The following PPP1R36 variants were observed in gnomAD, a reference collection of about 807,000 sequenced individuals.
The protein encoded by PPP1R36 is protein phosphatase 1 regulatory subunit 36.
A neutral mutation model predicts 53.4 loss-of-function variants in PPP1R36; 47 were observed. The observed-to-expected ratio is 0.88, with a 90% CI of 0.70 to 1.12. PPP1R36 has a LOEUF of 1.12. PPP1R36 is among the 50% of genes most tolerant of loss of function. PPP1R36 has a pLI of 0.00. For synonymous variants in PPP1R36, 153 were observed against 170.5 expected, an observed-to-expected ratio of 0.90 and a Z score of 0.80; for missense variants, 456 against 513.9, an observed-to-expected ratio of 0.89 and a Z score of 1.09.
At chr14:64,566,666 G>A (rs2080260135) in intron 6 of PPP1R36, among the ~76,000 whole-genome samples, 1 of 152,160 alleles carries the variant, frequency 6.6e-6, no homozygotes, top group Non-Finnish European at 1.5e-5. Context: ...CACCGCGAAC[G>A]CTCAGTGAGA....
At chr14:64,563,276 A>G (rs1316219105) in intron 3 of PPP1R36, among the ~76,000 whole-genome samples, 2 of 152,078 alleles carry the variant, frequency 1.3e-5, no homozygotes, top group Admixed American at 6.6e-5. Flanking sequence ...GGCTCAGGCA[A>G]TCCTCCCATC....
chr14:64,559,684 C>T (rs953533161), intron 3 of PPP1R36, among the ~76,000 whole-genome samples: 1 of 152,184 alleles, frequency 6.6e-6, no homozygotes, highest in Non-Finnish European at 1.5e-5. Flanking sequence ...GGTATATGGT[C>T]CCAGACAAAG....
intron 3 of PPP1R36, among the ~76,000 whole-genome samples, chr14:64,561,048 TAG>T (rs1484332081): frequency 6.6e-6 from 1 of 152,004 alleles, no homozygotes; most frequent in Non-Finnish European, 1.5e-5. Flanking sequence ...GGGAGGAAAA[TAG>T]AGTGTCCTGA....
intron 7 of PPP1R36, among the ~76,000 whole-genome samples, chr14:64,571,255 A>G (rs2080301154): frequency 6.6e-6 from 1 of 151,996 alleles, no homozygotes; most frequent in Admixed American, 6.6e-5. Context: ...CCTCCTGAGT[A>G]GCTGACACTA....
chr14:64,574,341 C>G (rs367584837), intron 7 of PPP1R36, 114 bp from the exon 8 acceptor site: 1 of 1,090,608 alleles, frequency 9.2e-7, no homozygotes, highest in Admixed American at 2.4e-5. Context: ...GGTAGCAGAG[C>G]AAGACTCTGT....
chr14:64,569,648 G>A (rs1419101001), intron 7 of PPP1R36, among the ~76,000 whole-genome samples: 2 of 152,004 alleles, frequency 1.3e-5, no homozygotes, highest in Non-Finnish European at 2.9e-5. Flanking sequence ...AGACATTTTT[G>A]GCACTTTGGC....
chr14:64,583,078 T>A (rs1281952681), intron 8 of PPP1R36, among the ~76,000 whole-genome samples: 3 of 147,304 alleles, frequency 2.0e-5, no homozygotes, highest in Non-Finnish European at 4.5e-5. Flanking sequence ...TATATATATT[T>A]TTTTTTTGTA....
chr14:64,563,928 G>C (rs2080228306), intron 3 of PPP1R36, among the ~76,000 whole-genome samples: 1 of 152,166 alleles, frequency 6.6e-6, no homozygotes, highest in African/African-American at 2.4e-5. Context: ...ACTTTTCTCT[G>C]TTTTTCTGTT....
chr14:64,566,236 C>G (rs2080254644), intron 6 of PPP1R36, among the ~76,000 whole-genome samples: 2 of 151,504 alleles, frequency 1.3e-5, no homozygotes, highest in Admixed American at 1.3e-4. Flanking sequence ...CCAATGCGCT[C>G]CAGCCTGGGT....
chr14:64,558,457 T>C (rs2140221138), intron 3 of PPP1R36, among the ~76,000 whole-genome samples: 1 of 152,082 alleles, frequency 6.6e-6, no homozygotes, highest in Admixed American at 6.5e-5. Context: ...TGTGTGCCTG[T>C]GGTTCCAGAT....
chr14:64,554,470 A>G (rs751455170), intron 3 of PPP1R36, among the ~76,000 whole-genome samples: 1 of 152,114 alleles, frequency 6.6e-6, no homozygotes, highest in African/African-American at 2.4e-5. Context: ...ATTTTAACAG[A>G]TAGTTCAAAC....
chr14:64,588,417 T>G (rs2080454979), intron 11 of PPP1R36, 122 bp downstream of exon 11: 2 of 816,896 alleles, frequency 2.4e-6, no homozygotes, highest in Non-Finnish European at 3.8e-6. Flanking sequence ...ACAGCCCCCA[T>G]TTTCTTACTT....
chr14:64,552,036 T>C (rs2080097859), intron 2 of PPP1R36, among the ~76,000 whole-genome samples: 1 of 152,180 alleles, frequency 6.6e-6, no homozygotes, highest in Non-Finnish European at 1.5e-5. Context: ...TAAGAAATAC[T>C]TAAGAGAGGA....
intron 8 of PPP1R36, among the ~76,000 whole-genome samples, chr14:64,583,319 G>A (rs1356753712): frequency 6.6e-6 from 1 of 151,786 alleles, no homozygotes; most frequent in African/African-American, 2.4e-5. Context: ...ACAGGAAAAC[G>A]ACTCAAAATA....
intron 3 of PPP1R36, among the ~76,000 whole-genome samples, chr14:64,563,805 G>A (rs1029922509): frequency 8.5e-5 from 13 of 152,194 alleles, no homozygotes; most frequent in Admixed American, 7.2e-4. Flanking sequence ...CTTCGGCATT[G>A]TGTTATCAAT....
intron 3 of PPP1R36, among the ~76,000 whole-genome samples, chr14:64,563,812 C>G (rs2080226984): frequency 6.6e-6 from 1 of 152,174 alleles, no homozygotes; most frequent in Non-Finnish European, 1.5e-5. Context: ...ATTGTGTTAT[C>G]AATGTGGCAT....
intron 6 of PPP1R36, among the ~76,000 whole-genome samples, chr14:64,567,859 C>A (rs772064952): frequency 6.6e-6 from 1 of 151,854 alleles, no homozygotes; most frequent in Non-Finnish European, 1.5e-5. Context: ...GATGGGGTTT[C>A]GCCAGGCTGG....
rs2080437214 is a variant in PPP1R36 at position 64,586,830 on chromosome 14, A to G, written c.669-7A>G. The stretch of plus-strand genomic sequence containing the variant: ...TCAACCTATAGTTGTGACTTGTTAT[A>G]TTACAGGGAGAAAATATCAGATACA... On this transcript the variant is annotated splice_region_variant and splice_polypyrimidine_tract_variant and intron_variant, in intron 8 of 11. Coordinates refer to ENST00000298705, the MANE Select transcript of PPP1R36 (RefSeq NM_172365.3). The G allele has an allele frequency of 7.5e-6, 12 of 1,605,890 alleles. No homozygotes were observed. The highest frequency in any genetic ancestry group is 1.0e-5 in the Non-Finnish European group (12 of 1,172,824).
chr14:64,579,927 G>A (rs1197334986), intron 8 of PPP1R36, among the ~76,000 whole-genome samples: 5 of 152,072 alleles, frequency 3.3e-5, no homozygotes, highest in African/African-American at 1.2e-4. Context: ...CTGAGATCGC[G>A]CCACTGCACT....
Sources: gnomAD v4.1 joint callset for allele counts (sites outside exome capture counted in the v4.1 genomes callset) on GRCh38, gnomAD v4.1.1 for gene constraint, MANE v1.5 for transcripts, NCBI Gene and HGNC (gene_info 2026-07-23, HGNC 2026-07-21) for gene names.